Variants in SHISA6 observed in about 807,000 individuals in gnomAD.
The protein encoded by SHISA6 is protein shisa-6.
A neutral mutation model predicts 47.9 loss-of-function variants in SHISA6; 22 were observed. The ratio of observed to expected loss-of-function variants is 0.46; its 90% CI spans 0.33 to 0.66. The LOEUF (loss-of-function observed/expected upper bound fraction) is 0.66. SHISA6 is among the 30% of genes least tolerant of loss of function. The pLI is 0.02. For synonymous variants in SHISA6, 388 were observed against 337.8 expected (o/e 1.15, Z -1.63); for missense variants, 680 against 764.6 (o/e 0.89, Z 1.30).
At chr17:11,378,767 C>T (rs780881938) in intron 2 of SHISA6, among the ~76,000 whole-genome samples, 12 of 152,126 alleles carry the variant, frequency 7.9e-5, no homozygotes, top group Non-Finnish European at 1.5e-4. Context: ...AAGCGAAGCA[C>T]GTATATATTT....
At chr17:11,259,118 T>C (rs982073944) in intron 1 of SHISA6, among the ~76,000 whole-genome samples, 2 of 150,564 alleles carry the variant, frequency 1.3e-5, no homozygotes, top group Non-Finnish European at 3.0e-5. Context: ...AGATAGGAGG[T>C]GACTGGATGG....
intron 3 of SHISA6, among the ~76,000 whole-genome samples, chr17:11,399,570 T>C (rs7212776): frequency 0.046 from 7,059 of 152,108 alleles, 498 homozygotes; most frequent in African/African-American, 0.15. Flanking sequence ...TAGAGGTGCC[T>C]GCCACCACAC....
Position 11,250,486 on chromosome 17 carries a change from C to T in SHISA6, c.638+8426C>T, listed in dbSNP as rs61286344. ...GGATGAATTGATCACCGAAATGGAGCGAGGGTGGGGCAGGCTGAGTGTAAA... is the reference window on the plus strand; with the variant it reads ...GGATGAATTGATCACCGAAATGGAGTGAGGGTGGGGCAGGCTGAGTGTAAA... On this transcript the variant is annotated intron_variant, in intron 1 of 5. Transcript: ENST00000441885. Among the ~76,000 whole-genome samples, 729 of 152,264 alleles carry T rather than the reference C, an allele frequency of 4.8e-3. 3 individuals carry two copies. Among genetic ancestry groups the T allele is most frequent in the African/African-American group, 0.017 (694 of 41,544 alleles).
At chr17:11,517,852 C>T (rs2071598447) in intron 3 of SHISA6, among the ~76,000 whole-genome samples, 2 of 152,042 alleles carry the variant, frequency 1.3e-5, no homozygotes, top group African/African-American at 2.4e-5. Context: ...CTGCTCACCA[C>T]CCCACCCTCA....
Position 11,329,225 on chromosome 17 carries a change from A to G in SHISA6, c.800-50189A>G, listed in dbSNP as rs374221771. On this transcript the variant is annotated intron_variant, in intron 2 of 5. Transcript: ENST00000441885. The stretch of plus-strand genomic sequence containing the variant: ...CTTCCAGTTTCCCATCAAGTGACCT[A>G]TGAAGACAGAAAGAAGAACAGCTGC... 5.9e-5 allele frequency among the ~76,000 whole-genome samples: 9 copies of G among 152,362 alleles called. No individual in the cohort carries two copies. The East Asian group carries it at 1.2e-3, about 20-fold the overall frequency.
intron 5 of SHISA6, among the ~76,000 whole-genome samples, chr17:11,556,154 C>A (rs753328851): frequency 7.9e-5 from 12 of 152,158 alleles, no homozygotes; most frequent in Non-Finnish European, 1.8e-4. Context: ...AATTCATGCA[C>A]CAGTTTAACT....
At chr17:11,373,865 A>G (rs1912704671) in intron 2 of SHISA6, among the ~76,000 whole-genome samples, 1 of 152,230 alleles carries the variant, frequency 6.6e-6, no homozygotes, top group Middle Eastern at 3.2e-3. Context: ...TGCAGTGAAC[A>G]TGCTGGTGCC....
At chr17:11,292,022 T>C (rs1909568285) in intron 2 of SHISA6, among the ~76,000 whole-genome samples, 1 of 152,148 alleles carries the variant, frequency 6.6e-6, no homozygotes, top group South Asian at 2.1e-4. Flanking sequence ...CATTCTTTTG[T>C]TGTGAGAACA....
intron 2 of SHISA6, among the ~76,000 whole-genome samples, chr17:11,365,491 T>G (rs929652379): frequency 3.9e-5 from 6 of 152,190 alleles, no homozygotes; most frequent in Admixed American, 3.9e-4. Flanking sequence ...TTGGCCAGGC[T>G]GGTCTCAAGC....
chr17:11,392,308 T>C (rs1350997717), intron 3 of SHISA6, among the ~76,000 whole-genome samples: 1 of 152,188 alleles, frequency 6.6e-6, no homozygotes, highest in Non-Finnish European at 1.5e-5. Flanking sequence ...CATTAGCTGC[T>C]GTGCCAAAAC....
chr17:11,421,620 C>T (rs72807152), intron 3 of SHISA6, among the ~76,000 whole-genome samples: 169 of 152,326 alleles, frequency 1.1e-3, no homozygotes, highest in Admixed American at 2.3e-3. Flanking sequence ...TCAAGGCTGA[C>T]ATCCATATAA....
Position 11,496,755 on chromosome 17 carries a change from A to G in SHISA6, c.896-55141A>G, listed in dbSNP as rs113099621. Among the ~76,000 whole-genome samples the G allele has an allele frequency of 4.8e-3, 735 of 152,052 alleles. 5 individuals carry two copies. Among genetic ancestry groups the G allele is most frequent in the African/African-American group, 0.017 (687 of 41,478 alleles). On this transcript the variant is annotated intron_variant, in intron 3 of 5. Transcript: ENST00000441885. ...CTCCATCTCAAAAAAAAAGAAAAAAAAAAAAAAGAATGGGATAGAAGTGGG... is the reference window on the plus strand; with the variant it reads ...CTCCATCTCAAAAAAAAAGAAAAAAGAAAAAAAGAATGGGATAGAAGTGGG...
intron 3 of SHISA6, among the ~76,000 whole-genome samples, chr17:11,473,080 C>T (rs997727684): frequency 2.0e-5 from 3 of 152,142 alleles, no homozygotes; most frequent in Non-Finnish European, 4.4e-5. Flanking sequence ...TAAAATGTGT[C>T]TTTGGCATAT....
chr17:11,537,008 C>G (rs982124077), intron 3 of SHISA6, among the ~76,000 whole-genome samples: 1 of 152,134 alleles, frequency 6.6e-6, no homozygotes, highest in African/African-American at 2.4e-5. Flanking sequence ...GCAGCTCTCC[C>G]AAGAAGACCT....
chr17:11,296,028 G>T (rs1360607037), intron 2 of SHISA6, among the ~76,000 whole-genome samples: 8 of 151,906 alleles, frequency 5.3e-5, no homozygotes, highest in Admixed American at 5.2e-4. Flanking sequence ...CAAGTGCAAG[G>T]GCGCTGATAA....
At chr17:11,416,122 G>A (rs1597502480) in intron 3 of SHISA6, among the ~76,000 whole-genome samples, 1 of 152,176 alleles carries the variant, frequency 6.6e-6, no homozygotes, top group East Asian at 1.9e-4. Context: ...ATGTCTCAAA[G>A]GCCCCACCTC....
intron 3 of SHISA6, among the ~76,000 whole-genome samples, chr17:11,534,538 G>A (rs999110293): frequency 6.6e-6 from 1 of 152,138 alleles, no homozygotes; most frequent in Non-Finnish European, 1.5e-5. Context: ...GAAGACACAA[G>A]GCATGTACAT....
At chr17:11,334,973 C>CT (rs1911268492) in intron 2 of SHISA6, among the ~76,000 whole-genome samples, 1 of 152,220 alleles carries the variant, frequency 6.6e-6, no homozygotes, top group Non-Finnish European at 1.5e-5. Context: ...CCCAGAGACA[C>CT]TGAGGCAGAG....
At chr17:11,430,891 A>G (rs372997290) in intron 3 of SHISA6, among the ~76,000 whole-genome samples, 2 of 152,220 alleles carry the variant, frequency 1.3e-5, no homozygotes, top group African/African-American at 4.8e-5. Context: ...ATAGCACAGC[A>G]CGAGGCTTTT....
Sources: allele counts gnomAD v4.1 joint callset (sites outside exome capture counted in the v4.1 genomes callset), GRCh38; gene constraint gnomAD v4.1.1; transcripts MANE v1.5; gene names NCBI Gene and HGNC (gene_info 2026-07-23, HGNC 2026-07-21).